ITPKB: variants seen among roughly 807,000 people sequenced by gnomAD.
The protein encoded by ITPKB is inositol-trisphosphate 3-kinase B.
ITPKB carries 13 observed loss-of-function variants against 69.4 expected under a neutral mutation model. The observed-to-expected ratio is 0.19, with a 90% CI of 0.12 to 0.30. ITPKB has a LOEUF of 0.30. Among genes scored for constraint, ITPKB ranks in the 10% least tolerant of loss-of-function variants. The pLI, the probability that ITPKB is intolerant of heterozygous loss-of-function variation, is 1.00. For synonymous variants in ITPKB, 584 were observed against 513.7 expected, an observed-to-expected ratio of 1.14 and a Z score of -1.85; for missense variants, 1,240 against 1,250.5, an observed-to-expected ratio of 0.99 and a Z score of 0.13.
chr1:226,727,979 C>T (rs1484823331), intron 2 of ITPKB, among the ~76,000 whole-genome samples: 1 of 152,128 alleles, frequency 6.6e-6, no homozygotes, highest in African/African-American at 2.4e-5. Context: ...GCTAGATTAA[C>T]AGGATAGCAG....
At chr1:226,660,849 C>A (rs888564121) in intron 2 of ITPKB, among the ~76,000 whole-genome samples, 2 of 152,240 alleles carry the variant, frequency 1.3e-5, no homozygotes, top group Admixed American at 6.5e-5. Context: ...AAGGGCTCAG[C>A]CTTTCCTCTG....
intron 2 of ITPKB, among the ~76,000 whole-genome samples, chr1:226,732,036 T>C (rs1248138578): frequency 1.3e-5 from 2 of 151,180 alleles, no homozygotes; most frequent in African/African-American, 4.9e-5. Context: ...CTGTTTGGAT[T>C]TTTTACTATG....
intron 2 of ITPKB, among the ~76,000 whole-genome samples, chr1:226,650,443 GA>G (rs1354222584): frequency 6.6e-6 from 1 of 152,230 alleles, no homozygotes; most frequent in African/African-American, 2.4e-5. Context: ...CCTTCTGATG[GA>G]GATCGCCAAA....
chr1:226,695,235 A>G (rs1266188993), intron 2 of ITPKB, among the ~76,000 whole-genome samples: 5 of 152,186 alleles, frequency 3.3e-5, no homozygotes, highest in African/African-American at 1.2e-4. Context: ...GTCTCAATAA[A>G]TAAGTAAATA....
intron 2 of ITPKB, among the ~76,000 whole-genome samples, chr1:226,677,577 C>T (rs1439174074): frequency 1.3e-5 from 2 of 152,268 alleles, no homozygotes; most frequent in African/African-American, 2.4e-5. Context: ...ACTCCCTCTT[C>T]CCCTTAAGGG....
intron 7 of ITPKB, among the ~76,000 whole-genome samples, chr1:226,635,705 C>G (rs1450756573): frequency 1.3e-5 from 2 of 152,230 alleles, no homozygotes; most frequent in Non-Finnish European, 2.9e-5. Context: ...GCACACAGCA[C>G]CCCCACCCCA....
intron 2 of ITPKB, among the ~76,000 whole-genome samples, chr1:226,727,352 A>G (rs1657456838): frequency 6.6e-6 from 1 of 152,190 alleles, no homozygotes; most frequent in Non-Finnish European, 1.5e-5. Flanking sequence ...TGTCAGTGAA[A>G]TTGGAAAAAA....
chr1:226,647,145 G>A (rs746519541), intron 4 of ITPKB, 22 bp downstream of exon 4: 2 of 1,609,242 alleles, frequency 1.2e-6, no homozygotes, highest in East Asian at 4.5e-5. Context: ...CAGGCATGTG[G>A]GCTGCGAGAA....
At chr1:226,666,361 C>G (rs1350311587) in intron 2 of ITPKB, among the ~76,000 whole-genome samples, 3 of 152,186 alleles carry the variant, frequency 2.0e-5, no homozygotes, top group Admixed American at 6.5e-5. Context: ...CTCTCAGGAG[C>G]AAGAGGTCAT....
chr1:226,651,077 A>T (rs895756973), intron 2 of ITPKB, among the ~76,000 whole-genome samples: 1 of 152,198 alleles, frequency 6.6e-6, no homozygotes, highest in Admixed American at 6.5e-5. Flanking sequence ...ACTGTGGAGA[A>T]GGAGGGAGCT....
chr1:226,737,200 C>A lies in ITPKB; in HGVS notation c.259G>T (p.Gly87Cys). 6.3e-7 allele frequency: 1 copy of A among 1,586,258 alleles called. No homozygotes were observed. The highest frequency in any genetic ancestry group is 8.5e-7 in the Non-Finnish European group (1 of 1,173,952). ...CTGCCGCTGCTGCCGCTGCCACTGC[C>A]GCTGCTACTATTCAGCCTGCGCCGG... ...SGRRRLNSSSGSGSGSSGSSV... is the reference protein window; with the variant it reads ...SGRRRLNSSSCSGSGSSGSSV... Residue 87 changes from glycine to cysteine, a missense_variant, in exon 2 of 8, where the codon GGC becomes TGC. Around this residue, in one of 2 missense-constraint regions of ITPKB, gnomAD observed 992 missense variants for 853.8 expected, o/e 1.16. Coordinates refer to ENST00000429204, the MANE Select transcript of ITPKB (RefSeq NM_002221.4).
chr1:226,720,649 A>G (rs1657212963), intron 2 of ITPKB, among the ~76,000 whole-genome samples: 2 of 152,186 alleles, frequency 1.3e-5, no homozygotes, highest in Admixed American at 1.3e-4. Context: ...TATTTTTATT[A>G]TTATTGTGCA....
chr1:226,657,539 G>C (rs913431004), intron 2 of ITPKB, among the ~76,000 whole-genome samples: 1 of 152,192 alleles, frequency 6.6e-6, no homozygotes, highest in Non-Finnish European at 1.5e-5. Flanking sequence ...TATCAGAAAT[G>C]GGAAATGATC....
intron 2 of ITPKB, among the ~76,000 whole-genome samples, chr1:226,679,891 C>T (rs889411336): frequency 3.3e-5 from 5 of 152,174 alleles, no homozygotes; most frequent in East Asian, 3.9e-4. Context: ...AAACTGCCCT[C>T]ACTCCCAACC....
In ITPKB at chr1:226,736,971, G is replaced by A. The variant is rs1332850583; in HGVS notation, c.488C>T (p.Ala163Val). ...CCTGCCCAAACGCGGGCTGCGGGGC[G>A]CTTGAATGGCGGAGCTCTGTGCCTG... ...HIQAQSSAIQ[A>V]PRSPRLGRAR... The change falls in exon 2 of 8, where the codon GCG becomes GTG. Residue 163 changes from alanine to valine, a missense_variant. Ala to Val is a moderately conservative substitution (Grantham distance 64, BLOSUM62 0). This residue lies in a region of ITPKB where 992 missense variants were observed against 853.8 expected (regional missense o/e 1.16). Coordinates refer to ENST00000429204, the MANE Select transcript of ITPKB (RefSeq NM_002221.4). 1.9e-6 allele frequency: 3 copies of A among 1,612,138 alleles called. No individual in the cohort carries two copies. Among genetic ancestry groups the A allele is most frequent in the Non-Finnish European group, 1.7e-6 (2 of 1,179,920 alleles).
chr1:226,734,825 A>G (rs917235748), intron 2 of ITPKB, among the ~76,000 whole-genome samples: 1 of 152,226 alleles, frequency 6.6e-6, no homozygotes, highest in African/African-American at 2.4e-5. Context: ...GGAGGTACCT[A>G]CTCCGGAGAT....
At chr1:226,668,202 T>C (rs188160182) in intron 2 of ITPKB, among the ~76,000 whole-genome samples, 1 of 152,332 alleles carries the variant, frequency 6.6e-6, no homozygotes, top group East Asian at 1.9e-4. Context: ...TTTAATAATA[T>C]ATGTAAGCTT....
chr1:226,658,520 G>C (rs1247913344), intron 2 of ITPKB, among the ~76,000 whole-genome samples: 2 of 152,188 alleles, frequency 1.3e-5, no homozygotes, highest in African/African-American at 4.8e-5. Flanking sequence ...GGTAGCTCCA[G>C]CTAAAAATAA....
intron 2 of ITPKB, among the ~76,000 whole-genome samples, chr1:226,680,576 A>G (rs1331234743): frequency 6.6e-6 from 1 of 152,168 alleles, no homozygotes; most frequent in Non-Finnish European, 1.5e-5. Context: ...AGGAAAGCAA[A>G]TATCCCACAG....
Sources: allele counts gnomAD v4.1 joint callset (sites outside exome capture counted in the v4.1 genomes callset), GRCh38; gene constraint gnomAD v4.1.1; regional missense constraint gnomAD v4.1.1; transcripts MANE v1.5; gene names NCBI Gene and HGNC (gene_info 2026-07-23, HGNC 2026-07-21).